The following CALR variants were observed in gnomAD, a reference collection of about 807,000 sequenced individuals.
CALR encodes CRP55.
Under a neutral mutation model 51.1 loss-of-function variants are expected in CALR, and 15 were observed. That is an observed-to-expected ratio of 0.29 (90% CI 0.20 to 0.45). The LOEUF is 0.45. Among genes scored for constraint, CALR ranks in the 20% least tolerant of loss-of-function variants. CALR has a pLI of 1.00. For synonymous variants in CALR, 239 were observed against 205.9 expected (o/e 1.16, Z -1.38); for missense variants, 477 against 530.6 (o/e 0.90, Z 0.99).
At chr19:12,942,758 C>CTT (rs889847443) in intron 7 of CALR, among the ~76,000 whole-genome samples, 3 of 142,488 alleles carry the variant, frequency 2.1e-5, no homozygotes, top group African/African-American at 7.7e-5. Flanking sequence ...CGACGCTGGG[C>CTT]TTTTTTTTTT....
chr19:12,939,997 G>C, intron 3 of CALR, 56 bp from the exon 4 acceptor site: 1 of 1,223,500 alleles, frequency 8.2e-7, no homozygotes, highest in Non-Finnish European at 1.2e-6. Flanking sequence ...AGAGGGGTGA[G>C]AGCCTCGAGA....
chr19:12,942,864 C>A (rs1971567447), intron 7 of CALR, among the ~76,000 whole-genome samples: 1 of 151,630 alleles, frequency 6.6e-6, no homozygotes, highest in African/African-American at 2.4e-5. Context: ...TCAAGCGATT[C>A]TCCTGCCTCG....
At position 12,939,202 on chromosome 19, in the gene CALR, G is replaced by T; in HGVS notation, c.160G>T (p.Gly54Cys). 1.9e-6 allele frequency: 3 copies of T among 1,611,720 alleles called. No individual in the cohort carries two copies. Among genetic ancestry groups the T allele is most frequent in the South Asian group, 1.1e-5 (1 of 90,536 alleles). The change falls in exon 2 of 9, where the codon GGC becomes TGC. Residue 54 changes from glycine to cysteine, a missense_variant. Transcript: ENST00000316448. Reference sequence around the variant, plus strand: ...TTTTGGCAAATTCGTTCTCAGTTCCGGCAAGTTCTACGGTGACGAGGAGAA... The same window carrying T: ...TTTTGGCAAATTCGTTCTCAGTTCCTGCAAGTTCTACGGTGACGAGGAGAA... Reference protein sequence around the residue: ...SDFGKFVLSSGKFYGDEEKDK... With the variant: ...SDFGKFVLSSCKFYGDEEKDK...
intron 2 of CALR, 47 bp downstream of exon 2, chr19:12,939,282 A>C (rs1971511734): frequency 6.9e-7 from 1 of 1,448,374 alleles, no homozygotes; most frequent in Non-Finnish European, 9.6e-7. Flanking sequence ...ACTTCCTGGC[A>C]GAAGTCCTTG....
In CALR at chr19:12,943,077, C is replaced by CTTT. The variant is rs56396276; in HGVS notation, c.961-438_961-436dup. 748 of 77,378 alleles carry CTTT rather than the reference C, an allele frequency of 9.7e-3. 30 individuals are homozygous for CTTT. The highest frequency in any genetic ancestry group is 0.021 in the African/African-American group (317 of 14,806). The allele number at this position is 77,378 out of a possible 1,614,324, so 4.8% of individuals were successfully genotyped here. ...CCTGGCTGTCTCTCCATCTTTCCAT[C>CTTT]TTTTTTTTTTTTTTTTTTTTTTTTG... On this transcript the variant is annotated intron_variant, in intron 7 of 8. Coordinates refer to ENST00000316448, the MANE Select transcript of CALR (RefSeq NM_004343.4).
intron 7 of CALR, among the ~76,000 whole-genome samples, chr19:12,941,601 C>T (rs549355897): frequency 5.0e-4 from 76 of 151,660 alleles, no homozygotes; most frequent in Non-Finnish European, 9.3e-4. Context: ...CTCAGGGTCC[C>T]GAGTAACTGG....
rs1470519077 is a variant in CALR, at chr19:12,938,612, C to A, written c.-68C>A. On this transcript the variant is annotated 5_prime_UTR_variant, in exon 1 of 9. Transcript: ENST00000316448. ...TGCAAGGCGGGCGGCGGCGTCCGTCCGTACTGCAGAGCCGCTGCCGGAGGG... is the reference window on the plus strand; with the variant it reads ...TGCAAGGCGGGCGGCGGCGTCCGTCAGTACTGCAGAGCCGCTGCCGGAGGG... The A allele has an allele frequency of 2.4e-6, 3 of 1,232,572 alleles. No homozygotes were observed. Among genetic ancestry groups the A allele is most frequent in the East Asian group, 2.5e-5 (1 of 39,588 alleles). 76.4% of individuals were successfully genotyped at this position (1,232,572 alleles called of 1,614,324 possible).
In CALR at chr19:12,944,136, TC is replaced by T. The variant is rs1971594383; in HGVS notation, c.*224del. On this transcript the variant is annotated 3_prime_UTR_variant, in exon 9 of 9. Transcript: ENST00000316448. ...CTGGTATTTTATCTTTGATTCTCCT[TC>T]AGCCCTCACCCCTGGTTCTCATCTT... is the stretch of plus-strand genomic sequence containing the variant. The T allele has an allele frequency of 4.6e-6, 3 of 648,562 alleles. No individual in the cohort carries two copies. The Admixed American group carries it at 9.6e-5, about 21-fold the overall frequency. 40.2% of individuals were successfully genotyped at this position (648,562 alleles called of 1,614,324 possible). A position where few individuals can be genotyped will look rare whatever the true frequency, so the allele number is the denominator to read the frequency against.
At position 12,939,120 on chromosome 19, in the gene CALR, A is replaced by G. The variant is rs1376850903; in HGVS notation, c.92-14A>G. 1.3e-6 allele frequency: 2 copies of G among 1,545,076 alleles called. No homozygotes were observed. The highest frequency in any genetic ancestry group is 2.7e-5 in the African/African-American group (2 of 73,780). On this transcript the variant is annotated splice_polypyrimidine_tract_variant and intron_variant, in intron 1 of 8. Coordinates refer to ENST00000316448, the MANE Select transcript of CALR (RefSeq NM_004343.4). ...CACAGCCGCTCTGACCTACCCCTCT[A>G]ATCCCCCACTTAGACGGGTGGACTT...
In CALR at chr19:12,939,152, G is replaced by T; in HGVS notation, c.110G>T (p.Trp37Leu). The T allele has an allele frequency of 6.2e-7, 1 of 1,608,904 alleles. No homozygotes were observed. Among genetic ancestry groups the T allele is most frequent in the South Asian group, 1.1e-5 (1 of 89,958 alleles). The change falls in exon 2 of 9, where the codon TGG (tryptophan) becomes TTG (leucine). Residue 37 changes from tryptophan to leucine, a missense_variant. Trp to Leu is a moderately conservative substitution (Grantham distance 61). Transcript: ENST00000316448. ...CACTTAGACGGGTGGACTTCCCGCT[G>T]GATCGAATCCAAACACAAGTCAGAT... ...FLDGDGWTSR[W>L]IESKHKSDFG...
intron 4 of CALR, 42 bp downstream of exon 4, chr19:12,940,189 T>A (rs1218040859): frequency 1.2e-6 from 2 of 1,610,448 alleles, no homozygotes; most frequent in Non-Finnish European, 1.7e-6. Flanking sequence ...ATGGGGAGAT[T>A]CAGAGGTCAG....
intron 7 of CALR, among the ~76,000 whole-genome samples, chr19:12,942,873 C>T (rs1001584139): frequency 1.3e-5 from 2 of 151,742 alleles, no homozygotes; most frequent in African/African-American, 2.4e-5. Flanking sequence ...TCTCCTGCCT[C>T]GGCCTCCTGA....
rs1971590230 is a variant in CALR at position 12,943,983 on chromosome 19, G to GT, written c.*71dup. ...CGCAGAGCTGGCCGCGCCAAATAAT[G>GT]TCTCTGTGAGACTCGAGAACTTTCA... is the stretch of plus-strand genomic sequence containing the variant. On this transcript the variant is annotated 3_prime_UTR_variant, in exon 9 of 9. Transcript: ENST00000316448. 6.3e-7 allele frequency: 1 copy of GT among 1,588,388 alleles called. No homozygotes were observed. Among genetic ancestry groups the GT allele is most frequent in the East Asian group, 2.3e-5 (1 of 43,982 alleles).
At chr19:12,939,652 G>A (rs1333220802) in intron 3 of CALR, 21 bp downstream of exon 3, 1 of 1,597,060 alleles carries the variant, frequency 6.3e-7, no homozygotes, top group African/African-American at 1.3e-5. Context: ...GCTTCCTGGT[G>A]CTGATCTCTG....
rs961998301 is a variant in CALR, at chr19:12,940,975, G to A, written c.960+88G>A. 6.0e-6 allele frequency: 8 copies of A among 1,324,226 alleles called. No individual in the cohort carries two copies. The African/African-American group carries it at 1.0e-4, about 17-fold the overall frequency. The allele number at this position is 1,324,226 out of a possible 1,614,324, so 82.0% of individuals were successfully genotyped here. A position where few individuals can be genotyped will look rare whatever the true frequency, so the allele number is the denominator to read the frequency against. On this transcript the variant is annotated intron_variant, in intron 7 of 8. Transcript: ENST00000316448. ...GGAAAGGGACAGGGTAGGCACCCCA[G>A]GTGAGTCTGACTCAAAAATGGTACT...
At chr19:12,939,953 A>G in intron 3 of CALR, 100 bp from the exon 4 acceptor site, 1 of 873,168 alleles carries the variant, frequency 1.1e-6, no homozygotes, top group Non-Finnish European at 1.9e-6. Context: ...GCCTTGACAG[A>G]CCCGAGTTGA....
chr19:12,943,408 G>A (rs1971574928), intron 7 of CALR, 129 bp from the exon 8 acceptor site: 7 of 810,826 alleles, frequency 8.6e-6, no homozygotes, highest in South Asian at 7.2e-5. Flanking sequence ...CAGTGTCAGC[G>A]GTGTTCCTTG....
Position 12,939,590 on chromosome 19 carries a change from A to G in CALR, c.356A>G (p.Gln119Arg). The G allele has an allele frequency of 1.2e-6, 2 of 1,614,164 alleles. No individual in the cohort carries two copies. Among genetic ancestry groups the G allele is most frequent in the Non-Finnish European group, 1.7e-6 (2 of 1,180,016 alleles). Residue 119 changes from glutamine to arginine, a missense_variant, in exon 3 of 9, where the codon CAG becomes CGG. Transcript: ENST00000316448. The part of the protein sequence containing the change: ...YVKLFPNSLD[Q>R]TDMHGDSEYN... Reference sequence around the variant, plus strand: ...AAGCTGTTTCCTAATAGTTTGGACCAGACAGACATGCACGGAGACTCAGAA... The same window carrying G: ...AAGCTGTTTCCTAATAGTTTGGACCGGACAGACATGCACGGAGACTCAGAA...
rs1971509989 is a variant in CALR at position 12,939,196 on chromosome 19, A to C, written c.154A>C (p.Ser52Arg). ...GTCAGATTTTGGCAAATTCGTTCTCAGTTCCGGCAAGTTCTACGGTGACGA... is the reference window on the plus strand; with the variant it reads ...GTCAGATTTTGGCAAATTCGTTCTCCGTTCCGGCAAGTTCTACGGTGACGA... ...HKSDFGKFVL[S>R]SGKFYGDEEK... is the part of the protein sequence containing the mutation. The change falls in exon 2 of 9, where the codon AGT (serine) becomes CGT (arginine). Residue 52 changes from serine (S) to arginine (R), a missense_variant. Transcript: ENST00000316448. 1.2e-6 allele frequency: 2 copies of C among 1,611,796 alleles called. No individual in the cohort carries two copies.
Sources: allele counts gnomAD v4.1 joint callset (sites outside exome capture counted in the v4.1 genomes callset), GRCh38; gene constraint gnomAD v4.1.1; transcripts MANE v1.5; gene names NCBI Gene and HGNC (gene_info 2026-07-23, HGNC 2026-07-21).